The following FAM13C variants were observed in gnomAD, a reference collection of about 807,000 sequenced individuals.
FAM13C encodes protein FAM13C.
A neutral mutation model predicts 73.2 loss-of-function variants in FAM13C; 37 were observed. The observed-to-expected ratio is 0.51, with a 90% CI of 0.39 to 0.67. The LOEUF is 0.67. FAM13C is among the 30% of genes least tolerant of loss of function. The pLI is 0.00. For missense variants in FAM13C, 589 were observed against 715.6 expected (o/e 0.82, Z 2.02); for synonymous variants, 246 against 260.9 (o/e 0.94, Z 0.55).
At chr10:59,346,612 G>C (rs971172495) in intron 3 of FAM13C, among the ~76,000 whole-genome samples, 37 of 152,180 alleles carry the variant, frequency 2.4e-4, no homozygotes, top group Non-Finnish European at 7.3e-5. Flanking sequence ...TGCATAGCAT[G>C]ATGCCAGATG....
At chr10:59,357,617 T>C (rs1855884402) in intron 1 of FAM13C, among the ~76,000 whole-genome samples, 1 of 152,238 alleles carries the variant, frequency 6.6e-6, no homozygotes, top group Admixed American at 6.5e-5. Context: ...GTTTGTTTTT[T>C]ATTTTCACAC....
chr10:59,351,742 G>C (rs1182774025), intron 3 of FAM13C, among the ~76,000 whole-genome samples: 2 of 152,016 alleles, frequency 1.3e-5, no homozygotes, highest in Non-Finnish European at 2.9e-5. Context: ...ACGCCTGTTC[G>C]CAGCACTTTG....
chr10:59,316,998 GTGTATGTA>G (rs1215254679), intron 4 of FAM13C, among the ~76,000 whole-genome samples: 4 of 152,024 alleles, frequency 2.6e-5, no homozygotes, highest in Non-Finnish European at 5.9e-5. Context: ...TTATAAATAT[GTGTATGTA>G]TGTATACATC....
chr10:59,260,054 C>A (rs1842346519), intron 10 of FAM13C, among the ~76,000 whole-genome samples: 1 of 151,878 alleles, frequency 6.6e-6, no homozygotes, highest in Admixed American at 6.5e-5. Context: ...GTAAATGGAC[C>A]CATCACCATC....
chr10:59,270,321 G>C (rs1003887294), intron 6 of FAM13C: 1 of 559,392 alleles, frequency 1.8e-6, no homozygotes, highest in African/African-American at 1.9e-5. Context: ...CAAAACAAAG[G>C]AAACAAATAA....
At chr10:59,346,323 T>C (rs1422648749) in intron 3 of FAM13C, among the ~76,000 whole-genome samples, 3 of 152,202 alleles carry the variant, frequency 2.0e-5, no homozygotes, top group Non-Finnish European at 4.4e-5. Flanking sequence ...AGTTAGGTTA[T>C]TTTGCCTGAA....
chr10:59,358,719 C>T (rs1856025123), intron 1 of FAM13C, among the ~76,000 whole-genome samples: 1 of 152,144 alleles, frequency 6.6e-6, no homozygotes, highest in Admixed American at 6.5e-5. Flanking sequence ...ATTTATTAAT[C>T]TTTCTCCTCA....
At chr10:59,358,343 A>G (rs1855972557) in intron 1 of FAM13C, among the ~76,000 whole-genome samples, 1 of 152,056 alleles carries the variant, frequency 6.6e-6, no homozygotes. Flanking sequence ...ACACCACTGC[A>G]CTCTAGCCTG....
intron 10 of FAM13C, among the ~76,000 whole-genome samples, chr10:59,261,534 C>T (rs898849311): frequency 6.6e-6 from 1 of 152,100 alleles, no homozygotes; most frequent in Non-Finnish European, 1.5e-5. Flanking sequence ...TTTCCATTCA[C>T]TCAGCAAACA....
intron 1 of FAM13C, among the ~76,000 whole-genome samples, chr10:59,360,841 G>A (rs1221155848): frequency 2.9e-5 from 3 of 104,152 alleles, no homozygotes; most frequent in East Asian, 3.5e-4. Context: ...ATTTAACCAC[G>A]AAACCTCTAC....
chr10:59,324,168 T>C, intron 3 of FAM13C, 62 bp from the exon 4 acceptor site: 1 of 1,333,062 alleles, frequency 7.5e-7, no homozygotes, highest in Non-Finnish European at 1.1e-6. Context: ...ATAGCATTAT[T>C]ATGCTGGAAG....
intron 3 of FAM13C, among the ~76,000 whole-genome samples, chr10:59,344,897 C>T (rs1854091441): frequency 6.6e-6 from 1 of 150,524 alleles, no homozygotes; most frequent in African/African-American, 2.5e-5. Context: ...CCAATGGAGG[C>T]ACAACAGGTA....
rs530577291 is a variant in FAM13C at position 59,252,745 on chromosome 10, G to T, written c.1532+54C>A. On this transcript the variant is annotated intron_variant, in intron 12 of 13. Coordinates refer to ENST00000618804, the MANE Select transcript of FAM13C (RefSeq NM_198215.4). ...AAGGCCAGCTCTACTTCATATACTG[G>T]TATCAGACCAGAAGGAGTTAAGAGG... 35 of 1,557,026 alleles carry T rather than the reference G, an allele frequency of 2.2e-5. No homozygotes were observed. The South Asian group carries it at 3.2e-4, about 14-fold the overall frequency.
intron 4 of FAM13C, among the ~76,000 whole-genome samples, chr10:59,306,934 A>T (rs1207380786): frequency 6.6e-6 from 1 of 152,196 alleles, no homozygotes; most frequent in South Asian, 2.1e-4. Flanking sequence ...AGACAGATAA[A>T]AGACATTTTT....
At chr10:59,316,190 C>T (rs1338199466) in intron 4 of FAM13C, among the ~76,000 whole-genome samples, 1 of 152,138 alleles carries the variant, frequency 6.6e-6, no homozygotes, top group African/African-American at 2.4e-5. Flanking sequence ...CCGCCTCAGG[C>T]TCCCAAAGTG....
chr10:59,349,409 T>C (rs995276037), intron 3 of FAM13C, among the ~76,000 whole-genome samples: 1 of 152,192 alleles, frequency 6.6e-6, no homozygotes, highest in Non-Finnish European at 1.5e-5. Context: ...TGTAGAACTT[T>C]AGTGGAGAAG....
intron 4 of FAM13C, among the ~76,000 whole-genome samples, chr10:59,318,046 G>C (rs185928521): frequency 6.6e-6 from 1 of 151,208 alleles, no homozygotes; most frequent in East Asian, 2.0e-4. Context: ...ATAAGAAAGT[G>C]CCTTACCATG....
intron 5 of FAM13C, among the ~76,000 whole-genome samples, chr10:59,284,018 G>A (rs1845243539): frequency 6.8e-6 from 1 of 146,774 alleles, no homozygotes; most frequent in African/African-American, 2.6e-5. Flanking sequence ...AGTCCACATT[G>A]GTATGCTGGG....
chr10:59,262,361 G>A, intron 10 of FAM13C, 73 bp downstream of exon 10: 1 of 1,364,578 alleles, frequency 7.3e-7, no homozygotes, highest in Non-Finnish European at 1.0e-6. Flanking sequence ...AAAGTGCTCT[G>A]ACAAATTGGA....
Sources: allele counts gnomAD v4.1 joint callset (sites outside exome capture counted in the v4.1 genomes callset), GRCh38; gene constraint gnomAD v4.1.1; transcripts MANE v1.5; gene names NCBI Gene and HGNC (gene_info 2026-07-23, HGNC 2026-07-21).